Variants in ACP3 observed in about 807,000 individuals in gnomAD.
The protein encoded by ACP3 is prostatic acid phosphatase.
A neutral mutation model predicts 45.6 loss-of-function variants in ACP3; 38 were observed. The ratio of observed to expected loss-of-function variants is 0.83; its 90% CI spans 0.64 to 1.09. The LOEUF is 1.09. ACP3 is among the 50% of genes least tolerant of loss of function. The pLI is 0.00. For synonymous variants in ACP3, 162 were observed against 164.7 expected (o/e 0.98, Z 0.13); for missense variants, 466 against 463.2 (o/e 1.01, Z -0.05).
intron 2 of ACP3, among the ~76,000 whole-genome samples, chr3:132,330,263 G>A (rs1435705584): frequency 6.6e-6 from 1 of 152,026 alleles, no homozygotes; most frequent in African/African-American, 2.4e-5. Flanking sequence ...GATGATGGCT[G>A]TCTAGATCAG....
intron 1 of ACP3, among the ~76,000 whole-genome samples, chr3:132,322,762 T>C (rs916435928): frequency 1.3e-5 from 2 of 152,226 alleles, no homozygotes; most frequent in Non-Finnish European, 2.9e-5. Context: ...AAAACTCATG[T>C]TGAAACTTAA....
intron 1 of ACP3, among the ~76,000 whole-genome samples, chr3:132,319,795 T>C (rs1937172038): frequency 6.6e-6 from 1 of 152,204 alleles, no homozygotes; most frequent in Non-Finnish European, 1.5e-5. Flanking sequence ...GCTGTGTGTA[T>C]ATAACCCAGC....
At chr3:132,342,772 A>G (rs374515966) in intron 6 of ACP3, 128 bp downstream of exon 6, 1 of 511,896 alleles carries the variant, frequency 2.0e-6, no homozygotes, top group Non-Finnish European at 3.3e-6. Context: ...TTTGACATTG[A>G]AACGTAATTC....
downstream of ACP3, among the ~76,000 whole-genome samples, chr3:132,363,611 T>C (rs1037092019): frequency 1.3e-5 from 2 of 152,172 alleles, no homozygotes; most frequent in African/African-American, 4.8e-5. Context: ...ATCTCCACCA[T>C]CCTATCTTTT....
chr3:132,333,930 G>T (rs747165383), intron 4 of ACP3, among the ~76,000 whole-genome samples: 7 of 152,080 alleles, frequency 4.6e-5, no homozygotes, highest in Non-Finnish European at 8.8e-5. Context: ...TATTAGCTGG[G>T]CATGGTGGTG....
chr3:132,350,849 T>C (rs190767423), intron 8 of ACP3, among the ~76,000 whole-genome samples: 25 of 152,332 alleles, frequency 1.6e-4, no homozygotes, highest in Admixed American at 1.2e-3. Flanking sequence ...GGAAATTAAT[T>C]ATTTTATAGA....
intron 2 of ACP3, among the ~76,000 whole-genome samples, chr3:132,330,983 C>T (rs1937389239): frequency 6.6e-6 from 1 of 152,156 alleles, no homozygotes; most frequent in Non-Finnish European, 1.5e-5. Flanking sequence ...TGGTTGTGGA[C>T]CACTGAGCTA....
intron 5 of ACP3, among the ~76,000 whole-genome samples, chr3:132,338,048 A>G (rs1937517196): frequency 6.6e-6 from 1 of 152,204 alleles, no homozygotes; most frequent in African/African-American, 2.4e-5. Context: ...GAAAATATAA[A>G]AAGGAATACA....
In ACP3 at chr3:132,356,958, AC is replaced by A. The variant is rs1559843935; in HGVS notation, c.*85del. The stretch of plus-strand genomic sequence containing the variant: ...GCTTTGAGAACATACTTTGGCCATT[AC>A]CCCCAGCTTTGAGGAAAATGGGCTT... On this transcript the variant is annotated 3_prime_UTR_variant, in exon 10 of 10. Coordinates refer to ENST00000336375, the MANE Select transcript of ACP3 (RefSeq NM_001099.5). 1 of 1,488,678 alleles carries A rather than the reference AC, an allele frequency of 6.7e-7. No individual in the cohort carries two copies. Among genetic ancestry groups the A allele is most frequent in the Non-Finnish European group, 8.9e-7 (1 of 1,119,000 alleles). 92.2% of individuals were successfully genotyped at this position (1,488,678 alleles called of 1,614,324 possible). A position where few individuals can be genotyped will look rare whatever the true frequency, so the allele number is the denominator to read the frequency against.
intron 4 of ACP3, among the ~76,000 whole-genome samples, chr3:132,332,919 C>G (rs1937427216): frequency 6.6e-6 from 1 of 152,184 alleles, no homozygotes; most frequent in East Asian, 1.9e-4. Flanking sequence ...GGTTAAATAA[C>G]AAACAAATTG....
chr3:132,325,112 C>T (rs1937274684), intron 1 of ACP3, among the ~76,000 whole-genome samples: 1 of 152,170 alleles, frequency 6.6e-6, no homozygotes, highest in East Asian at 1.9e-4. Context: ...GATTGCTCTA[C>T]CACAGAATTA....
downstream of ACP3, among the ~76,000 whole-genome samples, chr3:132,360,328 AAAC>A (rs201580919): frequency 6.2e-3 from 928 of 150,154 alleles, 6 homozygotes; most frequent in African/African-American, 0.021. Context: ...AAAAAAAAAA[AAAC>A]AATACAGGAC....
intron 4 of ACP3, 24 bp from the exon 5 acceptor site, chr3:132,337,432 T>C (rs779893769): frequency 1.3e-6 from 2 of 1,509,888 alleles, no homozygotes; most frequent in Non-Finnish European, 1.8e-6. Flanking sequence ...CATAACAGTT[T>C]TATGATTTTT....
Position 132,358,668 on chromosome 3 carries a change from T to C in ACP3, c.*1790T>C. ...GTTATTTCCCTCCCAAGTAAATGTTTGTCCTTGGGTCCATTTTCTATGCTT... is the reference window on the plus strand; with the variant it reads ...GTTATTTCCCTCCCAAGTAAATGTTCGTCCTTGGGTCCATTTTCTATGCTT... On this transcript the variant is annotated 3_prime_UTR_variant, in exon 10 of 10. Coordinates refer to ENST00000336375, the MANE Select transcript of ACP3 (RefSeq NM_001099.5). The C allele has an allele frequency of 5.8e-6, 6 of 1,030,436 alleles. No homozygotes were observed. Among genetic ancestry groups the C allele is most frequent in the Non-Finnish European group, 5.9e-6 (5 of 853,260 alleles). The allele number at this position is 1,030,436 out of a possible 1,614,324, so 63.8% of individuals were successfully genotyped here.
At chr3:132,321,777 T>A (rs548025292) in intron 1 of ACP3, among the ~76,000 whole-genome samples, 10 of 152,214 alleles carry the variant, frequency 6.6e-5, no homozygotes, top group Non-Finnish European at 1.3e-4. Context: ...CTGTTTCCCA[T>A]TGCTCAATAG....
downstream of ACP3, among the ~76,000 whole-genome samples, chr3:132,359,163 G>C (rs1937985631): frequency 6.6e-6 from 1 of 152,166 alleles, no homozygotes; most frequent in Admixed American, 6.5e-5. Context: ...TTGGAGTAGG[G>C]GAAGTAAGGA....
At chr3:132,344,155 G>A (rs550761644) in intron 6 of ACP3, among the ~76,000 whole-genome samples, 13 of 152,036 alleles carry the variant, frequency 8.6e-5, no homozygotes, top group Non-Finnish European at 1.6e-4. Context: ...GCGCATGCCT[G>A]TAATCCCAGC....
intron 1 of ACP3, among the ~76,000 whole-genome samples, chr3:132,321,895 A>G (rs1345820380): frequency 6.6e-6 from 1 of 152,218 alleles, no homozygotes; most frequent in Non-Finnish European, 1.5e-5. Flanking sequence ...AATAATTATA[A>G]CAAATATAAT....
chr3:132,327,634 C>A (rs1937322272), intron 1 of ACP3, among the ~76,000 whole-genome samples: 1 of 151,916 alleles, frequency 6.6e-6, no homozygotes. Flanking sequence ...GCCTGGCCAA[C>A]ATGGTGAAAC....
Sources: gnomAD v4.1 joint callset for allele counts (sites outside exome capture counted in the v4.1 genomes callset) on GRCh38, gnomAD v4.1.1 for gene constraint, MANE v1.5 for transcripts, NCBI Gene and HGNC (gene_info 2026-07-23, HGNC 2026-07-21) for gene names.